ARHGAP24: variants seen among roughly 807,000 people sequenced by gnomAD.
The protein encoded by ARHGAP24 is rho GTPase-activating protein 24.
Under a neutral mutation model 76.4 loss-of-function variants are expected in ARHGAP24, and 50 were observed. The ratio of observed to expected loss-of-function variants is 0.65; its 90% CI spans 0.52 to 0.83. ARHGAP24 has a LOEUF of 0.83. Ranked by LOEUF, ARHGAP24 falls within the 40% of genes least tolerant of loss-of-function variation. ARHGAP24 has a pLI of 0.00. For missense variants in ARHGAP24, 930 were observed against 914.2 expected (o/e 1.02, Z -0.22); for synonymous variants, 345 against 323.3 (o/e 1.07, Z -0.72).
At chr4:85,800,272 G>T (rs967991988) in intron 3 of ARHGAP24, among the ~76,000 whole-genome samples, 2 of 152,122 alleles carry the variant, frequency 1.3e-5, no homozygotes, top group Non-Finnish European at 2.9e-5. Flanking sequence ...AGCTTAAAGA[G>T]AAAAATGTTT....
At chr4:85,638,861 A>G (rs563425939) in intron 2 of ARHGAP24, among the ~76,000 whole-genome samples, 1 of 152,304 alleles carries the variant, frequency 6.6e-6, no homozygotes, top group African/African-American at 2.4e-5. Flanking sequence ...CTGGAGAATT[A>G]AAGACAAGAA....
At chr4:85,693,505 G>A (rs1723749546) in intron 2 of ARHGAP24, among the ~76,000 whole-genome samples, 1 of 152,182 alleles carries the variant, frequency 6.6e-6, no homozygotes, top group African/African-American at 2.4e-5. Flanking sequence ...GCAGTCTCAA[G>A]CTGCATGCTA....
chr4:85,778,500 A>C (rs1329455822), intron 3 of ARHGAP24, among the ~76,000 whole-genome samples: 1 of 152,196 alleles, frequency 6.6e-6, no homozygotes, highest in African/African-American at 2.4e-5. Flanking sequence ...ACCTTATACA[A>C]ATCATATTTT....
intron 3 of ARHGAP24, among the ~76,000 whole-genome samples, chr4:85,868,733 CAG>C (rs963861941): frequency 7.5e-4 from 114 of 152,040 alleles, no homozygotes; most frequent in African/African-American, 2.6e-3. Context: ...ATAGGGAAAA[CAG>C]GGTGTAGTTA....
intron 5 of ARHGAP24, among the ~76,000 whole-genome samples, chr4:85,947,093 C>A (rs1737320545): frequency 6.6e-6 from 1 of 152,088 alleles, no homozygotes; most frequent in Admixed American, 6.6e-5. Context: ...TGATGATGAG[C>A]ATTTTTTCAT....
At chr4:85,930,585 A>G (rs375472182) in intron 4 of ARHGAP24, 4 of 1,041,732 alleles carry the variant, frequency 3.8e-6, no homozygotes, top group African/African-American at 3.4e-5. Flanking sequence ...AAAAAAATGC[A>G]AAAACCAATT....
In ARHGAP24 at chr4:85,721,870, T is replaced by C. The variant is rs754302572; in HGVS notation, c.181-15T>C. The C allele has an allele frequency of 1.0e-5, 16 of 1,606,474 alleles. No homozygotes were observed. Among genetic ancestry groups the C allele is most frequent in the African/African-American group, 1.3e-5 (1 of 74,674 alleles). On this transcript the variant is annotated splice_polypyrimidine_tract_variant and intron_variant, in intron 2 of 9. Transcript: ENST00000395184. The stretch of plus-strand genomic sequence containing the variant: ...TCTCTGATGATGTTGATGTTTTGGG[T>C]ATTTGTTTTCACAGGGTACTATTTT...
intron 3 of ARHGAP24, among the ~76,000 whole-genome samples, chr4:85,775,694 T>C (rs749069544): frequency 1.6e-4 from 24 of 152,230 alleles, no homozygotes; most frequent in Admixed American, 7.2e-4. Flanking sequence ...GTAGGAAAGA[T>C]AAACTGAAGC....
chr4:85,935,939 AG>A (rs1218661149), intron 4 of ARHGAP24, among the ~76,000 whole-genome samples: 1 of 152,200 alleles, frequency 6.6e-6, no homozygotes, highest in Admixed American at 6.5e-5. Flanking sequence ...AGCTCCTTGG[AG>A]TAAAGGATTT....
At chr4:85,915,460 G>C (rs1735329153) in intron 3 of ARHGAP24, among the ~76,000 whole-genome samples, 1 of 152,132 alleles carries the variant, frequency 6.6e-6, no homozygotes, top group Non-Finnish European at 1.5e-5. Context: ...TGGGATACAT[G>C]TGCGGAATGT....
intron 2 of ARHGAP24, among the ~76,000 whole-genome samples, chr4:85,572,744 A>G (rs1333999858): frequency 2.6e-4 from 1 of 3,920 alleles, no homozygotes; most frequent in African/African-American, 2.7e-4. Flanking sequence ...ATTCTTTTAC[A>G]AACCAAACAG....
chr4:85,918,985 A>G (rs1173234790), intron 3 of ARHGAP24, among the ~76,000 whole-genome samples: 2 of 152,174 alleles, frequency 1.3e-5, no homozygotes, highest in African/African-American at 4.8e-5. Context: ...ACTGCATAAG[A>G]TATTTATGTC....
intron 4 of ARHGAP24, 54 bp downstream of exon 4, chr4:85,923,824 T>A: frequency 6.2e-7 from 1 of 1,612,550 alleles, no homozygotes; most frequent in East Asian, 2.2e-5. Flanking sequence ...AACCTGTTCA[T>A]CCCTTTCCCC....
At chr4:85,581,216 A>T (rs1384136) in intron 2 of ARHGAP24, among the ~76,000 whole-genome samples, 57,174 of 151,962 alleles carry the variant, frequency 0.38, 12,380 homozygotes, top group East Asian at 0.85. Context: ...ATAGCATAAT[A>T]AGCATTACAT....
intron 9 of ARHGAP24, 117 bp from the exon 10 acceptor site, chr4:86,000,362 A>G: frequency 2.6e-6 from 2 of 783,218 alleles, no homozygotes; most frequent in South Asian, 1.5e-5. Context: ...CCAATTTCCT[A>G]AGCATCATAA....
intron 3 of ARHGAP24, among the ~76,000 whole-genome samples, chr4:85,881,724 G>A (rs1578339657): frequency 6.6e-6 from 1 of 152,096 alleles, no homozygotes; most frequent in Admixed American, 6.6e-5. Flanking sequence ...TACTGGAAAC[G>A]CTCCCCTCAG....
chr4:85,795,487 A>T (rs1296618981), intron 3 of ARHGAP24, among the ~76,000 whole-genome samples: 2 of 152,016 alleles, frequency 1.3e-5, no homozygotes, highest in Non-Finnish European at 2.9e-5. Context: ...TTTTCTTGTC[A>T]TTTTAATTAT....
At chr4:85,494,783 A>C (rs1437451525) in intron 1 of ARHGAP24, among the ~76,000 whole-genome samples, 2 of 152,114 alleles carry the variant, frequency 1.3e-5, no homozygotes, top group Non-Finnish European at 2.9e-5. Context: ...ACAAGATAAA[A>C]CTTCATGAAA....
intron 2 of ARHGAP24, among the ~76,000 whole-genome samples, chr4:85,657,650 G>T (rs773096228): frequency 1.3e-5 from 2 of 152,106 alleles, no homozygotes; most frequent in Non-Finnish European, 2.9e-5. Flanking sequence ...TATCCTCCAG[G>T]CACTTTTGCA....
Sources: gnomAD v4.1 joint callset for allele counts (sites outside exome capture counted in the v4.1 genomes callset) on GRCh38, gnomAD v4.1.1 for gene constraint, MANE v1.5 for transcripts, NCBI Gene and HGNC (gene_info 2026-07-23, HGNC 2026-07-21) for gene names.